NEU4: variants seen among roughly 807,000 people sequenced by gnomAD.
NEU4 encodes sialidase-4.
Under a neutral mutation model 9.9 loss-of-function variants are expected in NEU4, and 7 were observed. The ratio of observed to expected loss-of-function variants is 0.71; its 90% confidence interval spans 0.40 to 1.33. The LOEUF is 1.33. Ranked by LOEUF, NEU4 falls within the 40% of genes most tolerant of loss-of-function variation. NEU4 has a pLI of 0.01. For missense variants in NEU4, 717 were observed against 712.6 expected (o/e 1.01, Z -0.07); for synonymous variants, 348 against 316.9 (o/e 1.10, Z -1.04).
At chr2:241,809,731 C>G (rs562654417) in intron 1 of NEU4, 1 of 159,986 alleles carries the variant, frequency 6.3e-6, no homozygotes, top group African/African-American at 2.4e-5. Flanking sequence ...GAGGGCAGAT[C>G]TGACTTTTCA....
intron 1 of NEU4, 82 bp from the exon 2 acceptor site, chr2:241,814,400 G>A (rs1700229500): frequency 1.2e-5 from 16 of 1,345,566 alleles, no homozygotes; most frequent in Non-Finnish European, 1.6e-5. Flanking sequence ...CCTCCTGAGC[G>A]CATTCCCCAG....
In NEU4 at chr2:241,816,500, C is replaced by T. The variant is rs143733579; in HGVS notation, c.907C>T (p.Pro303Ser). 2 of 1,610,262 alleles carry T rather than the reference C, an allele frequency of 1.2e-6. No individual in the cohort carries two copies. Among genetic ancestry groups the T allele is most frequent in the Admixed American group, 3.3e-5 (2 of 59,836 alleles). Residue 303 changes from proline (P) to serine (S), a missense_variant, in exon 4 of 4, where the codon CCC becomes TCC. By Grantham distance (74) the Pro-to-Ser change is moderately conservative. Coordinates refer to ENST00000407683, the MANE Select transcript of NEU4 (RefSeq NM_001167600.3). ...CAGTTGGTCAGTGGGCCCCGGGAGTCCCCTCCAGCCTCCACTCCTCGGTCC... is the reference window on the plus strand; with the variant it reads ...CAGTTGGTCAGTGGGCCCCGGGAGTTCCCTCCAGCCTCCACTCCTCGGTCC... ...DDSWSVGPGS[P>S]LQPPLLGPGV...
chr2:241,816,496 G>T lies in NEU4; in HGVS notation c.903G>T (p.Gly301=). 6.2e-7 allele frequency: 1 copy of T among 1,610,176 alleles called. No individual in the cohort carries two copies. Among genetic ancestry groups the T allele is most frequent in the Non-Finnish European group, 8.5e-7 (1 of 1,179,184 alleles). Residue 301 remains glycine, a synonymous_variant, in exon 4 of 4, where the codon GGG becomes GGT. Transcript: ENST00000407683. ...PRDDSWSVGP[G]SPLQPPLLGP... is the part of the protein sequence containing the mutation. Reference sequence around the variant, plus strand: ...ATGACAGTTGGTCAGTGGGCCCCGGGAGTCCCCTCCAGCCTCCACTCCTCG... The same window carrying T: ...ATGACAGTTGGTCAGTGGGCCCCGGTAGTCCCCTCCAGCCTCCACTCCTCG...
chr2:241,814,700 G>T lies in NEU4; in HGVS notation c.201+15G>T, dbSNP rs187887050. 6.5e-7 allele frequency: 1 copy of T among 1,536,582 alleles called. No individual in the cohort carries two copies. Among genetic ancestry groups the T allele is most frequent in the East Asian group, 2.4e-5 (1 of 41,124 alleles). On this transcript the variant is annotated intron_variant, in intron 2 of 3. Coordinates refer to ENST00000407683, the MANE Select transcript of NEU4 (RefSeq NM_001167600.3). ...GCTCCGTGCGGGTGAGTGAGTGGCC[G>T]GGGGCTCTGTGTGGGTGTAGTGGCC... is the stretch of plus-strand genomic sequence containing the variant.
At position 241,816,147 on chromosome 2, in the gene NEU4, A is replaced by G. The variant is rs1700327009; in HGVS notation, c.554A>G (p.Glu185Gly). 2 of 1,612,396 alleles carry G rather than the reference A, an allele frequency of 1.2e-6. No individual in the cohort carries two copies. Among genetic ancestry groups the G allele is most frequent in the East Asian group, 4.5e-5 (2 of 44,854 alleles). ...TACACCTACCGCGTGGACCGCCGAGAGTGTTTTGGCAAGATCTGCCGGACC... is the reference window on the plus strand; with the variant it reads ...TACACCTACCGCGTGGACCGCCGAGGGTGTTTTGGCAAGATCTGCCGGACC... ...PAYTYRVDRR[E>G]CFGKICRTSP... Residue 185 changes from glutamate to glycine, a missense_variant, in exon 4 of 4, where the codon GAG becomes GGG. Coordinates refer to ENST00000407683, the MANE Select transcript of NEU4 (RefSeq NM_001167600.3).
At chr2:241,815,425 C>CCGACTCTCTCTCA (rs1700292477) in intron 3 of NEU4, 1 of 603,554 alleles carries the variant, frequency 1.7e-6, no homozygotes, top group African/African-American at 1.9e-5. Flanking sequence ...CGTCCTGCAC[C>CCGACTCTCTCTCA]TCCCGTCCCA....
rs1446392414 is a variant in NEU4, at chr2:241,816,044, C to T, written c.458-7C>T. On this transcript the variant is annotated splice_region_variant and splice_polypyrimidine_tract_variant and intron_variant, in intron 3 of 3. Transcript: ENST00000407683. ...AGCCCCTCCCACCTCTGCCCTCCTC[C>T]CTGCAGACTGGGCCACATTCGCTGT... 2 of 1,593,292 alleles carry T rather than the reference C, an allele frequency of 1.3e-6. No homozygotes were observed. Among genetic ancestry groups the T allele is most frequent in the African/African-American group, 1.3e-5 (1 of 74,560 alleles).
intron 1 of NEU4, chr2:241,813,450 G>A (rs529213819): frequency 1.8e-5 from 21 of 1,142,882 alleles, no homozygotes; most frequent in East Asian, 8.5e-5. Context: ...TCCCTGTGCC[G>A]GGCTGTGCGT....
intron 1 of NEU4, chr2:241,811,347 C>G (rs749228131): frequency 1.5e-5 from 21 of 1,444,080 alleles, no homozygotes; most frequent in Non-Finnish European, 1.8e-5. Flanking sequence ...CTGACGTAGC[C>G]CTGAGACGTG....
rs993138756 is a variant in NEU4, at chr2:241,816,617, G to A, written c.1024G>A (p.Asp342Asn). 3 of 1,573,720 alleles carry A rather than the reference G, an allele frequency of 1.9e-6. No homozygotes were observed. Among genetic ancestry groups the A allele is most frequent in the African/African-American group, 1.4e-5 (1 of 73,932 alleles). ...CTTCAGCCGTCTGCAGCCTCGGGGG[G>A]ATGGCCCCAGGCAGCCTGGCCCCAG... is the stretch of plus-strand genomic sequence containing the variant. ...GPFSRLQPRG[D>N]GPRQPGPRPG... The change falls in exon 4 of 4, where the codon GAT becomes AAT. Residue 342 changes from aspartate (D) to asparagine (N), a missense_variant. By Grantham distance (23) the Asp-to-Asn change is conservative (BLOSUM62 1). Transcript: ENST00000407683.
chr2:241,817,109 G>C lies in NEU4; in HGVS notation c.*61G>C, dbSNP rs1308865048. 2 of 1,459,528 alleles carry C rather than the reference G, an allele frequency of 1.4e-6. No homozygotes were observed. Among genetic ancestry groups the C allele is most frequent in the East Asian group, 4.8e-5 (2 of 41,660 alleles). 90.4% of individuals were successfully genotyped at this position (1,459,528 alleles called of 1,614,324 possible). ...CTGGGGCAGAGGGGTGGAATACGTTGGGGTGCCCCACGATAGCTGTGGGGG... is the reference window on the plus strand; with the variant it reads ...CTGGGGCAGAGGGGTGGAATACGTTCGGGTGCCCCACGATAGCTGTGGGGG... On this transcript the variant is annotated 3_prime_UTR_variant, in exon 4 of 4. Transcript: ENST00000407683.
intron 1 of NEU4, among the ~76,000 whole-genome samples, chr2:241,812,588 CCCAAGACAG>C (rs1700165670): frequency 1.0e-4 from 7 of 69,576 alleles, no homozygotes; most frequent in African/African-American, 1.5e-4. Context: ...CGGCTGGTCC[CCCAAGACAG>C]AGGGACCTCC....
In NEU4 at chr2:241,814,611, C is replaced by T. The variant is rs772641709; in HGVS notation, c.127C>T (p.Arg43Trp). Residue 43 changes from arginine to tryptophan, a missense_variant, in exon 2 of 4, where the codon CGG becomes TGG. By Grantham distance (101) the Arg-to-Trp change is moderately radical. Transcript: ENST00000407683. ...CACCCTGCTGGCCTTTGTGGAGCAG[C>T]GGCTCAGCCCTGACGACTCCCACGC... ...GPTLLAFVEQ[R>W]LSPDDSHAHR... 24 of 1,608,444 alleles carry T rather than the reference C, an allele frequency of 1.5e-5. No homozygotes were observed. Among genetic ancestry groups the T allele is most frequent in the East Asian group, 4.5e-5 (2 of 44,676 alleles).
At position 241,816,920 on chromosome 2, in the gene NEU4, G is replaced by A; in HGVS notation, c.1327G>A (p.Ala443Thr). Reference protein sequence around the residue: ...LVFACLYESGARTSYDEISFC... With the variant: ...LVFACLYESGTRTSYDEISFC... The stretch of plus-strand genomic sequence containing the variant: ...TTTTGCCTGCCTGTACGAGAGCGGG[G>A]CCAGGACCTCCTATGATGAGATTTC... The change falls in exon 4 of 4, where the codon GCC becomes ACC. Residue 443 changes from alanine (A) to threonine (T), a missense_variant. By Grantham distance (58) the Ala-to-Thr change is moderately conservative. Coordinates refer to ENST00000407683, the MANE Select transcript of NEU4 (RefSeq NM_001167600.3). 2.5e-6 allele frequency: 4 copies of A among 1,612,940 alleles called. No individual in the cohort carries two copies. Among genetic ancestry groups the A allele is most frequent in the Non-Finnish European group, 3.4e-6 (4 of 1,179,966 alleles).
At chr2:241,809,361 T>A in intron 1 of NEU4, 87 bp downstream of exon 1, 1 of 711,672 alleles carries the variant, frequency 1.4e-6, no homozygotes, top group Non-Finnish European at 2.1e-6. Context: ...GAGAACAGCC[T>A]GTCCGGGCTG....
At chr2:241,812,517 G>GCCTGGCC (rs1485305477) in intron 1 of NEU4, among the ~76,000 whole-genome samples, 1 of 145,316 alleles carries the variant, frequency 6.9e-6, no homozygotes, top group Non-Finnish European at 1.5e-5. Context: ...GGAACCCAGG[G>GCCTGGCC]AACTGGTCAC....
rs1382540777 is a variant in NEU4 at position 241,815,144 on chromosome 2, C to A, written c.454C>A (p.Gln152Lys). ...LTEEAIGGAVQDWATFAVGPG... is the reference protein window; with the variant it reads ...LTEEAIGGAVKDWATFAVGPG... ...CGAGGAGGCCATCGGTGGTGCCGTG[C>A]AGGGTAGGCGGGCAGGGTGCCGGTC... The change falls in exon 3 of 4, where the codon CAG (glutamine) becomes AAG (lysine). Residue 152 changes from glutamine (Q) to lysine (K), a missense_variant. Coordinates refer to ENST00000407683, the MANE Select transcript of NEU4 (RefSeq NM_001167600.3). The A allele has an allele frequency of 3.2e-6, 5 of 1,553,012 alleles. No homozygotes were observed. The highest frequency in any genetic ancestry group is 4.3e-6 in the Non-Finnish European group (5 of 1,151,418).
intron 3 of NEU4, 101 bp downstream of exon 3, chr2:241,815,248 C>G: frequency 7.2e-7 from 1 of 1,382,124 alleles, no homozygotes; most frequent in Non-Finnish European, 9.6e-7. Context: ...ACCCCTGTCT[C>G]CAGCCACAAG....
At chr2:241,814,766 G>A in intron 2 of NEU4, 81 bp downstream of exon 2, 1 of 1,503,304 alleles carries the variant, frequency 6.7e-7, no homozygotes, top group Non-Finnish European at 8.9e-7. Context: ...GGGCGGGGGT[G>A]GCGGCGGCAG....
Sources: gnomAD v4.1 joint callset for allele counts (sites outside exome capture counted in the v4.1 genomes callset) on GRCh38, gnomAD v4.1.1 for gene constraint, MANE v1.5 for transcripts, NCBI Gene and HGNC (gene_info 2026-07-23, HGNC 2026-07-21) for gene names.